Variants in CWC27 observed in about 807,000 individuals in gnomAD.
CWC27 encodes the protein CWC27 spliceosome associated cyclophilin, also known as spliceosome-associated protein CWC27 homolog.
Under a neutral mutation model 63.6 loss-of-function variants are expected in CWC27, and 47 were observed. The ratio of observed to expected loss-of-function variants is 0.74; its 90% CI spans 0.58 to 0.94. The LOEUF is 0.94. Ranked by LOEUF, CWC27 falls within the 40% of genes least tolerant of loss-of-function variation. CWC27 has a pLI of 0.00. For synonymous variants in CWC27, 175 were observed against 179.8 expected (o/e 0.97, Z 0.22); for missense variants, 495 against 554.3 (o/e 0.89, Z 1.07).
chr5:64,824,926 G>T (rs1745319675), intron 10 of CWC27, among the ~76,000 whole-genome samples: 2 of 151,414 alleles, frequency 1.3e-5, no homozygotes, highest in African/African-American at 2.4e-5. Flanking sequence ...TAGAGGCGGG[G>T]TTTTACCCGA....
chr5:64,821,028 G>A (rs1215156533), intron 10 of CWC27, among the ~76,000 whole-genome samples: 6 of 149,904 alleles, frequency 4.0e-5, no homozygotes, highest in Non-Finnish European at 7.4e-5. Flanking sequence ...TCTGATAAAA[G>A]ACTTGTATCC....
At chr5:64,891,119 C>A (rs1204762474) in intron 11 of CWC27, among the ~76,000 whole-genome samples, 1 of 151,996 alleles carries the variant, frequency 6.6e-6, no homozygotes, top group Non-Finnish European at 1.5e-5. Context: ...TAAAGTTATC[C>A]CTACCTATTG....
At chr5:64,852,679 G>C (rs139590830) in intron 10 of CWC27, among the ~76,000 whole-genome samples, 1 of 152,026 alleles carries the variant, frequency 6.6e-6, no homozygotes, top group East Asian at 1.9e-4. Context: ...CACCATGTTG[G>C]TCAGGTTGGT....
intron 13 of CWC27, among the ~76,000 whole-genome samples, chr5:64,988,519 T>C (rs1749476737): frequency 6.6e-6 from 1 of 152,184 alleles, no homozygotes; most frequent in African/African-American, 2.4e-5. Flanking sequence ...CTTAGTCTTG[T>C]TCTCAATGCA....
chr5:65,009,852 T>C (rs1323186076), intron 13 of CWC27, among the ~76,000 whole-genome samples: 1 of 152,242 alleles, frequency 6.6e-6, no homozygotes, highest in East Asian at 1.9e-4. Flanking sequence ...CCAAGCTAAC[T>C]AAGACACAAA....
chr5:64,913,024 G>A (rs910659286), intron 11 of CWC27, among the ~76,000 whole-genome samples: 1 of 152,106 alleles, frequency 6.6e-6, no homozygotes, highest in Non-Finnish European at 1.5e-5. Context: ...CATATTAAAT[G>A]AGGCAATATT....
intron 12 of CWC27, among the ~76,000 whole-genome samples, chr5:64,975,834 G>A (rs1749219047): frequency 6.6e-6 from 1 of 152,160 alleles, no homozygotes; most frequent in Non-Finnish European, 1.5e-5. Flanking sequence ...GGAGGCCAAG[G>A]CGTGTGGAAC....
chr5:64,817,933 T>C (rs1197301545), intron 10 of CWC27, among the ~76,000 whole-genome samples: 1 of 152,166 alleles, frequency 6.6e-6, no homozygotes, highest in Non-Finnish European at 1.5e-5. Flanking sequence ...TCACATTTGA[T>C]TTATTTTTTG....
intron 11 of CWC27, among the ~76,000 whole-genome samples, chr5:64,957,478 A>C (rs1748825305): frequency 6.6e-6 from 1 of 152,214 alleles, no homozygotes; most frequent in Non-Finnish European, 1.5e-5. Context: ...GTGCTAGTCC[A>C]GAGGTTTGCG....
At chr5:64,786,106 A>G (rs914321085) in intron 5 of CWC27, among the ~76,000 whole-genome samples, 5 of 149,158 alleles carry the variant, frequency 3.4e-5, no homozygotes, top group Non-Finnish European at 7.4e-5. Flanking sequence ...CAGAGGTTGC[A>G]GTGAGCCAAG....
At chr5:64,979,026 C>T (rs1258470009) in intron 13 of CWC27, among the ~76,000 whole-genome samples, 2 of 152,110 alleles carry the variant, frequency 1.3e-5, no homozygotes, top group East Asian at 3.9e-4. Flanking sequence ...TTTTGAATTC[C>T]TCATTAGCTT....
chr5:64,987,237 G>A (rs1051137472), intron 13 of CWC27, among the ~76,000 whole-genome samples: 5 of 151,958 alleles, frequency 3.3e-5, no homozygotes, highest in Non-Finnish European at 7.4e-5. Flanking sequence ...TATCTGAATA[G>A]TGTTTTGTTT....
At chr5:64,900,532 G>T (rs537896650) in intron 11 of CWC27, among the ~76,000 whole-genome samples, 2 of 152,042 alleles carry the variant, frequency 1.3e-5, no homozygotes, top group Admixed American at 1.3e-4. Context: ...TCTTAATGGT[G>T]TCTTTCAAAA....
At chr5:64,773,252 A>C (rs1036356083) in intron 1 of CWC27, among the ~76,000 whole-genome samples, 15 of 152,332 alleles carry the variant, frequency 9.8e-5, no homozygotes, top group Admixed American at 3.3e-4. Flanking sequence ...GTAAGAGTAT[A>C]AAGTCATTGT....
chr5:64,943,724 G>A (rs1236620153), intron 11 of CWC27, among the ~76,000 whole-genome samples: 1 of 152,134 alleles, frequency 6.6e-6, no homozygotes, highest in Admixed American at 6.5e-5. Context: ...GTCATAAGAT[G>A]TCTGCACCAA....
At chr5:64,918,209 A>G (rs754918189) in intron 11 of CWC27, among the ~76,000 whole-genome samples, 1 of 152,194 alleles carries the variant, frequency 6.6e-6, no homozygotes, top group African/African-American at 2.4e-5. Context: ...ACCACTACCC[A>G]TACAAAAAGC....
chr5:64,895,965 A>G lies in CWC27; in HGVS notation c.1042+10419A>G, dbSNP rs567385323. On this transcript the variant is annotated intron_variant, in intron 11 of 13. Transcript: ENST00000381070. ...GGAGACCAAAGGGCAAATAGAGGCA[A>G]TATTTAGAGAGATGATACTGAGTGT... 3.9e-5 allele frequency among the ~76,000 whole-genome samples: 6 copies of G among 152,302 alleles called. No homozygotes were observed. In the East Asian group the frequency reaches 1.2e-3, roughly 29 times the overall value.
chr5:64,878,522 CATATT>C (rs989722442), intron 10 of CWC27, among the ~76,000 whole-genome samples: 1 of 115,688 alleles, frequency 8.6e-6, no homozygotes, highest in Non-Finnish European at 1.7e-5. Context: ...TGTGCCTACT[CATATT>C]AATCCTAAAT....
At chr5:64,837,439 GCTTA>G (rs747335916) in intron 10 of CWC27, among the ~76,000 whole-genome samples, 1 of 151,566 alleles carries the variant, frequency 6.6e-6, no homozygotes, top group Non-Finnish European at 1.5e-5. Flanking sequence ...TGACTCCATT[GCTTA>G]CTTTGGCTAC....
Sources: gnomAD v4.1 joint callset for allele counts (sites outside exome capture counted in the v4.1 genomes callset) on GRCh38, gnomAD v4.1.1 for gene constraint, MANE v1.5 for transcripts, NCBI Gene and HGNC (gene_info 2026-07-23, HGNC 2026-07-21) for gene names.